Variants in ELL observed in about 807,000 individuals in gnomAD.
The protein encoded by ELL is RNA polymerase II elongation factor ELL.
ELL carries 18 observed loss-of-function variants against 64.0 expected under a neutral mutation model. The observed-to-expected ratio is 0.28, with a 90% CI of 0.19 to 0.42. The LOEUF is 0.42. ELL is among the 10% of genes least tolerant of loss of function. ELL has a pLI of 1.00. For missense variants in ELL, 797 were observed against 870.4 expected, an observed-to-expected ratio of 0.92 and a Z score of 1.06; for synonymous variants, 399 against 376.2, an observed-to-expected ratio of 1.06 and a Z score of -0.70.
chr19:18,509,586 C>CGCGT (rs1975960666), intron 1 of ELL, among the ~76,000 whole-genome samples: 2 of 118,296 alleles, frequency 1.7e-5, no homozygotes, highest in African/African-American at 7.9e-5. Flanking sequence ...TGCACGTGCG[C>CGCGT]GCGCGCGCAC....
intron 1 of ELL, among the ~76,000 whole-genome samples, chr19:18,497,836 AAAAAG>A (rs1975693086): frequency 6.6e-6 from 1 of 151,500 alleles, no homozygotes; most frequent in East Asian, 1.9e-4. Flanking sequence ...AAAAAAAAAA[AAAAAG>A]ATGTCAGCCA....
chr19:18,507,659 G>C (rs1336051015), intron 1 of ELL, among the ~76,000 whole-genome samples: 1 of 152,228 alleles, frequency 6.6e-6, no homozygotes, highest in Non-Finnish European at 1.5e-5. Flanking sequence ...GTGAGCGCAG[G>C]GGCTTCATCC....
chr19:18,446,104 G>A (rs1412753314), intron 10 of ELL: 6 of 625,178 alleles, frequency 9.6e-6, no homozygotes, highest in Non-Finnish European at 1.6e-5. Flanking sequence ...GACAAGCTGG[G>A]CTGCCTTCAA....
chr19:18,500,791 A>G (rs958956086), intron 1 of ELL, among the ~76,000 whole-genome samples: 2 of 152,212 alleles, frequency 1.3e-5, no homozygotes, highest in African/African-American at 4.8e-5. Context: ...TTTCAACTCA[A>G]AAACACTGCT....
intron 1 of ELL, among the ~76,000 whole-genome samples, chr19:18,512,366 G>A (rs911698609): frequency 6.6e-6 from 1 of 151,108 alleles, no homozygotes; most frequent in African/African-American, 2.4e-5. Flanking sequence ...GGCCAGGTGC[G>A]GTGACTCACG....
chr19:18,468,492 C>T (rs187668405), intron 2 of ELL, among the ~76,000 whole-genome samples: 7 of 152,362 alleles, frequency 4.6e-5, no homozygotes, highest in African/African-American at 4.8e-5. Context: ...ATGAGGGAAG[C>T]TCAAGTTTGT....
rs1424733712 is a variant in ELL, at chr19:18,444,754, A to G, written c.1864T>C (p.Ter622GlnextTer18). The G allele has an allele frequency of 6.2e-7, 1 of 1,600,080 alleles. No homozygotes were observed. The highest frequency in any genetic ancestry group is 8.5e-7 in the Non-Finnish European group (1 of 1,176,104). Reference sequence around the variant, plus strand: ...ATCCCCGCCATCGGGGAGGGCGGCTAGGGCCAAGCCTGCAGCTGCCGCTGG... The same window carrying G: ...ATCCCCGCCATCGGGGAGGGCGGCTGGGGCCAAGCCTGCAGCTGCCGCTGG... The part of the protein sequence containing the change: ...YDQRQLQAWP[*>Q] The change falls in exon 12 of 12, where the codon TAG becomes CAG. Residue 622 changes from the stop codon to glutamine (Q), a stop_lost. Coordinates refer to ENST00000262809, the MANE Select transcript of ELL (RefSeq NM_006532.4).
intron 4 of ELL, 110 bp downstream of exon 4, chr19:18,465,302 A>G (rs1974910118): frequency 7.0e-7 from 1 of 1,421,344 alleles, no homozygotes. Context: ...CGGTTGACCC[A>G]TCATTTCTGT....
In ELL at chr19:18,509,002, TCA is replaced by T. The variant is rs1975942615; in HGVS notation, c.135+12917_135+12918del. 2.6e-5 allele frequency among the ~76,000 whole-genome samples: 4 copies of T among 152,312 alleles called. No individual in the cohort carries two copies. The South Asian group carries it at 8.3e-4, about 32-fold the overall frequency. ...TGACCCTGGGCAGAGCCTATAGGCCTCAGTTTCCTTGAGGACACAAAAAGAGA... is the reference window on the plus strand; with the variant it reads ...TGACCCTGGGCAGAGCCTATAGGCCTGTTTCCTTGAGGACACAAAAAGAGA... On this transcript the variant is annotated intron_variant, in intron 1 of 11. Coordinates refer to ENST00000262809, the MANE Select transcript of ELL (RefSeq NM_006532.4).
intron 10 of ELL, chr19:18,446,087 G>T (rs1161842791): frequency 1.7e-6 from 1 of 586,086 alleles, no homozygotes; most frequent in Non-Finnish European, 2.9e-6. Context: ...CCACTGCAAA[G>T]GAGGCTGACA....
chr19:18,446,411 G>C lies in ELL; in HGVS notation c.1602C>G (p.Ser534Arg). 6.2e-7 allele frequency: 1 copy of C among 1,612,606 alleles called. No homozygotes were observed. Residue 534 changes from serine (S) to arginine (R), a missense_variant, in exon 10 of 12, where the codon AGC becomes AGG. By Grantham distance (110) the Ser-to-Arg change is moderately radical. Coordinates refer to ENST00000262809, the MANE Select transcript of ELL (RefSeq NM_006532.4). ...SYKNDFNAEYSEYRDLHARIE... is the reference protein window; with the variant it reads ...SYKNDFNAEYREYRDLHARIE... Reference sequence around the variant, plus strand: ...TGCGGGCGTGCAGGTCGCGGTACTCGCTGTACTCGGCATTGAAGTCGTTCT... The same window carrying C: ...TGCGGGCGTGCAGGTCGCGGTACTCCCTGTACTCGGCATTGAAGTCGTTCT...
intron 1 of ELL, among the ~76,000 whole-genome samples, chr19:18,493,814 G>A (rs2144956996): frequency 6.6e-6 from 1 of 152,328 alleles, no homozygotes; most frequent in East Asian, 1.9e-4. Flanking sequence ...GGCCTGCTGG[G>A]TCACTGACCA....
At chr19:18,508,886 G>A (rs549192195) in intron 1 of ELL, among the ~76,000 whole-genome samples, 1 of 152,286 alleles carries the variant, frequency 6.6e-6, no homozygotes, top group Non-Finnish European at 1.5e-5. Context: ...AGTCTCTAGG[G>A]TTGCTGCTGA....
intron 1 of ELL, among the ~76,000 whole-genome samples, chr19:18,506,204 C>G (rs1315251965): frequency 6.6e-6 from 1 of 152,246 alleles, no homozygotes; most frequent in African/African-American, 2.4e-5. Flanking sequence ...ACCAGCCCCC[C>G]ACAGTCAACA....
intron 5 of ELL, among the ~76,000 whole-genome samples, chr19:18,459,625 T>C (rs2144910240): frequency 6.6e-6 from 1 of 151,590 alleles, no homozygotes. Context: ...GTTCACGCCA[T>C]TCTCCAGCCT....
Position 18,450,543 on chromosome 19 carries a change from G to C in ELL, c.1399C>G (p.Arg467Gly), listed in dbSNP as rs759014608. Reference protein sequence around the residue: ...DKERAAEDKPRAQLPDCAPAT... With the variant: ...DKERAAEDKPGAQLPDCAPAT... ...GGTGCACAGTCTGGAAGCTGGGCCC[G>C]GGGCTTGTCCTCAGCCGCCCTCTCC... Residue 467 changes from arginine to glycine, a missense_variant, in exon 8 of 12, where the codon CGG (arginine) becomes GGG (glycine). Transcript: ENST00000262809. 1 of 1,613,074 alleles carries C rather than the reference G, an allele frequency of 6.2e-7. No homozygotes were observed. The highest frequency in any genetic ancestry group is 8.5e-7 in the Non-Finnish European group (1 of 1,179,932).
chr19:18,466,261 G>A (rs1280256965), intron 2 of ELL, among the ~76,000 whole-genome samples: 2 of 152,190 alleles, frequency 1.3e-5, no homozygotes, highest in South Asian at 2.1e-4. Context: ...TGGTTTGTCT[G>A]GACCATGACT....
At chr19:18,458,460 A>G (rs1568379492) in intron 5 of ELL, 131 bp from the exon 6 acceptor site, 2 of 1,407,236 alleles carry the variant, frequency 1.4e-6, no homozygotes, top group East Asian at 4.9e-5. Context: ...AGAGGAGAGG[A>G]AAGAGGATGG....
Position 18,519,457 on chromosome 19 carries a change from C to T in ELL, c.135+2464G>A, listed in dbSNP as rs111527728. On this transcript the variant is annotated intron_variant, in intron 1 of 11. Transcript: ENST00000262809. ...AAAACCACAGAGAGCACGGAGCTGC[C>T]GTGCCTTAGAAAAGTCCATCCACTA... Among the ~76,000 whole-genome samples, 976 of 152,230 alleles carry T rather than the reference C, an allele frequency of 6.4e-3. 9 individuals carry two copies. Among genetic ancestry groups the T allele is most frequent in the Non-Finnish European group, 6.9e-3 (467 of 68,010 alleles).
Sources: gnomAD v4.1 joint callset for allele counts (sites outside exome capture counted in the v4.1 genomes callset) on GRCh38, gnomAD v4.1.1 for gene constraint, MANE v1.5 for transcripts, NCBI Gene and HGNC (gene_info 2026-07-23, HGNC 2026-07-21) for gene names.